ADAMTSL1: variants seen among roughly 807,000 people sequenced by gnomAD.
The protein encoded by ADAMTSL1 is ADAMTS like 1.
In ADAMTSL1, 126 loss-of-function variants were observed where a neutral mutation model predicts 201.8. The observed-to-expected ratio is 0.62, with a 90% confidence interval of 0.54 to 0.72. The LOEUF is 0.72. ADAMTSL1 is among the 30% of genes least tolerant of loss of function. The probability of loss-of-function intolerance (pLI) is 0.00; values close to 1 mark genes in which losing one functional copy is unlikely to be tolerated. For missense variants in ADAMTSL1, 2,679 were observed against 2,277.8 expected (o/e 1.18, Z -3.59); for synonymous variants, 1,121 against 903.4 (o/e 1.24, Z -4.32).
rs1223942051 is a variant in ADAMTSL1, at chr9:17,929,470, A to G, written c.87+22548A>G. ...ATAAGCTGGAAAACCCTTATTATGA[A>G]TATCAAGGCCTTGCCTGATCCAGCC... On this transcript the variant is annotated intron_variant, in intron 1 of 29. Transcript: ENST00000680146. Among the ~76,000 whole-genome samples, 4 of 152,032 alleles carry G rather than the reference A, an allele frequency of 2.6e-5. No homozygotes were observed. The East Asian group carries it at 7.7e-4, about 29-fold the overall frequency.
intron 26 of ADAMTSL1, among the ~76,000 whole-genome samples, chr9:18,897,717 A>C (rs1241031430): frequency 6.6e-6 from 1 of 152,220 alleles, no homozygotes; most frequent in Non-Finnish European, 1.5e-5. Context: ...CAGCAACCTC[A>C]ACAAAGGTAG....
chr9:18,089,024 T>C (rs980877173), intron 1 of ADAMTSL1, among the ~76,000 whole-genome samples: 2 of 152,136 alleles, frequency 1.3e-5, no homozygotes, highest in African/African-American at 4.8e-5. Context: ...CAAAATGTGG[T>C]ATATATACAC....
chr9:17,973,855 T>C (rs1440870757), intron 1 of ADAMTSL1, among the ~76,000 whole-genome samples: 3 of 150,556 alleles, frequency 2.0e-5, no homozygotes, highest in Non-Finnish European at 3.0e-5. Context: ...CAGTGGTTTG[T>C]AGTTCTCCTT....
chr9:18,542,604 C>G (rs949275709), intron 3 of ADAMTSL1, among the ~76,000 whole-genome samples: 1 of 152,152 alleles, frequency 6.6e-6, no homozygotes, highest in Non-Finnish European at 1.5e-5. Flanking sequence ...AGGCTGCCTT[C>G]CACAAGCCAA....
intron 1 of ADAMTSL1, among the ~76,000 whole-genome samples, chr9:17,979,198 A>T (rs1170672131): frequency 6.6e-6 from 1 of 152,024 alleles, no homozygotes; most frequent in Non-Finnish European, 1.5e-5. Flanking sequence ...ATAAACCTGG[A>T]TGTCCATATT....
chr9:18,275,516 C>T (rs1395287084), intron 2 of ADAMTSL1, among the ~76,000 whole-genome samples: 2 of 152,100 alleles, frequency 1.3e-5, no homozygotes, highest in African/African-American at 4.8e-5. Context: ...ATTGCCCATC[C>T]CTAATCTCAC....
At chr9:18,438,455 C>T (rs1011865407) in intron 2 of ADAMTSL1, among the ~76,000 whole-genome samples, 3 of 152,130 alleles carry the variant, frequency 2.0e-5, no homozygotes, top group Non-Finnish European at 1.5e-5. Flanking sequence ...CTCCCAGCCC[C>T]TCGGGTGGCC....
chr9:18,039,406 A>C (rs1821341887), intron 1 of ADAMTSL1, among the ~76,000 whole-genome samples: 1 of 152,186 alleles, frequency 6.6e-6, no homozygotes, highest in Admixed American at 6.6e-5. Flanking sequence ...TTTTAAAAAA[A>C]TAATTCCCCT....
At chr9:18,324,218 T>C (rs1834735765) in intron 2 of ADAMTSL1, among the ~76,000 whole-genome samples, 2 of 152,180 alleles carry the variant, frequency 1.3e-5, no homozygotes, top group African/African-American at 4.8e-5. Flanking sequence ...GAAAAGAAAG[T>C]CTTTTTAACA....
chr9:18,394,972 G>A (rs959269039), intron 2 of ADAMTSL1, among the ~76,000 whole-genome samples: 2 of 152,184 alleles, frequency 1.3e-5, no homozygotes, highest in Non-Finnish European at 2.9e-5. Context: ...TGTTAAGAGA[G>A]TCAGCATTTG....
At chr9:18,085,426 C>A (rs1823705314) in intron 1 of ADAMTSL1, among the ~76,000 whole-genome samples, 2 of 149,162 alleles carry the variant, frequency 1.3e-5, no homozygotes, top group African/African-American at 5.0e-5. Context: ...CTGATACATA[C>A]TAATTATATA....
chr9:18,540,389 G>T (rs548808231), intron 3 of ADAMTSL1, among the ~76,000 whole-genome samples: 1 of 152,322 alleles, frequency 6.6e-6, no homozygotes, highest in South Asian at 2.1e-4. Context: ...GCAGAGTAAT[G>T]GGATGGAGAG....
chr9:18,335,195 T>C (rs1157112986), intron 2 of ADAMTSL1, among the ~76,000 whole-genome samples: 1 of 152,160 alleles, frequency 6.6e-6, no homozygotes, highest in Non-Finnish European at 1.5e-5. Flanking sequence ...AGGCAACATA[T>C]TTACATATTT....
At position 18,078,683 on chromosome 9, in the gene ADAMTSL1, C is replaced by G. The variant is rs559715464; in HGVS notation, c.88-85179C>G. Reference sequence around the variant, plus strand: ...CTTCTAAGCCCCTCCAATCGTAACCCCTAGGATGTAGGCATATTCTGTTTC... The same window carrying G: ...CTTCTAAGCCCCTCCAATCGTAACCGCTAGGATGTAGGCATATTCTGTTTC... On this transcript the variant is annotated intron_variant, in intron 1 of 29. Transcript: ENST00000680146. 4.7e-4 allele frequency among the ~76,000 whole-genome samples: 71 copies of G among 152,202 alleles called. 1 individual carries two copies. Among genetic ancestry groups the G allele is most frequent in the African/African-American group, 1.6e-3 (65 of 41,522 alleles).
intron 1 of ADAMTSL1, among the ~76,000 whole-genome samples, chr9:18,012,993 A>AT (rs757574601): frequency 2.3e-3 from 289 of 124,232 alleles, no homozygotes; most frequent in African/African-American, 5.2e-3. Context: ...ACTTACCAGC[A>AT]TTTTTTTTTT....
At chr9:18,751,431 T>A (rs966092169) in intron 15 of ADAMTSL1, among the ~76,000 whole-genome samples, 1 of 152,214 alleles carries the variant, frequency 6.6e-6, no homozygotes, top group African/African-American at 2.4e-5. Flanking sequence ...CAAGTCAGCC[T>A]CTTGGATTTC....
At position 18,491,095 on chromosome 9, in the gene ADAMTSL1, A is replaced by C. The variant is rs573348868; in HGVS notation, c.64-13734A>C. ...TAATAGCTCAAAGAATGCTGATAGC[A>C]GCCGTGTGTGAAATTGATTTCTGAG... On this transcript the variant is annotated intron_variant, in intron 1 of 28. Coordinates refer to ENST00000380548, the MANE Select transcript of ADAMTSL1 (RefSeq NM_001040272.6). 3.3e-5 allele frequency among the ~76,000 whole-genome samples: 5 copies of C among 152,346 alleles called. No homozygotes were observed. The East Asian group carries it at 9.7e-4, about 29-fold the overall frequency.
chr9:17,989,917 T>C (rs1187819868), intron 1 of ADAMTSL1, among the ~76,000 whole-genome samples: 2 of 150,992 alleles, frequency 1.3e-5, no homozygotes, highest in East Asian at 1.9e-4. Context: ...ATTGTAAACA[T>C]CTTTTTTTTT....
At chr9:18,660,439 C>G (rs1035942422) in intron 8 of ADAMTSL1, among the ~76,000 whole-genome samples, 2 of 152,116 alleles carry the variant, frequency 1.3e-5, no homozygotes, top group Admixed American at 1.3e-4. Flanking sequence ...TTCATTTTTG[C>G]TCTAACTCTT....
Sources: gnomAD v4.1 joint callset for allele counts (sites outside exome capture counted in the v4.1 genomes callset) on GRCh38, gnomAD v4.1.1 for gene constraint, MANE v1.5 for transcripts, NCBI Gene and HGNC (gene_info 2026-07-23, HGNC 2026-07-21) for gene names.